Variants in HIP1 observed in about 807,000 individuals in gnomAD.
HIP1 encodes the protein huntingtin interacting protein 1.
In HIP1, 65 loss-of-function variants were observed where a neutral mutation model predicts 147.6. The ratio of observed to expected loss-of-function variants is 0.44; its 90% CI spans 0.36 to 0.54. The LOEUF is 0.54. Ranked by LOEUF, HIP1 falls within the 20% of genes least tolerant of loss-of-function variation. The pLI, the probability that HIP1 is intolerant of heterozygous loss-of-function variation, is 0.00. For missense variants in HIP1, 1,061 were observed against 1,299.6 expected, an observed-to-expected ratio of 0.82 and a Z score of 2.82; for synonymous variants, 479 against 504.0, an observed-to-expected ratio of 0.95 and a Z score of 0.67.
intron 1 of HIP1, among the ~76,000 whole-genome samples, chr7:75,642,712 C>T (rs1342228772): frequency 1.3e-5 from 2 of 152,208 alleles, no homozygotes; most frequent in African/African-American, 4.8e-5. Context: ...TTAGAAGTGT[C>T]TTTCTCATCC....
chr7:75,652,075 G>T (rs1799012165), intron 1 of HIP1, among the ~76,000 whole-genome samples: 1 of 150,980 alleles, frequency 6.6e-6, no homozygotes, highest in African/African-American at 2.4e-5. Context: ...TAGCAATTTG[G>T]GAGGCCAAGG....
intron 4 of HIP1, 41 bp from the exon 5 acceptor site, chr7:75,586,874 C>T: frequency 8.2e-7 from 1 of 1,225,270 alleles, no homozygotes; most frequent in Non-Finnish European, 1.2e-6. Flanking sequence ...ACAACAAGAA[C>T]ATAACAGTCA....
At chr7:75,643,762 G>T (rs756640869) in intron 1 of HIP1, among the ~76,000 whole-genome samples, 4 of 152,212 alleles carry the variant, frequency 2.6e-5, no homozygotes, top group Non-Finnish European at 5.9e-5. Context: ...AACTTTGGGA[G>T]GCCCAGGTGG....
At chr7:75,619,297 C>T (rs1441624777) in intron 1 of HIP1, among the ~76,000 whole-genome samples, 2 of 151,904 alleles carry the variant, frequency 1.3e-5, no homozygotes, top group African/African-American at 2.4e-5. Context: ...CCCAGGTGGG[C>T]GGATCACTTG....
intron 1 of HIP1, among the ~76,000 whole-genome samples, chr7:75,691,892 G>A (rs1430737552): frequency 6.6e-6 from 1 of 152,178 alleles, no homozygotes; most frequent in Non-Finnish European, 1.5e-5. Context: ...CAGAGGAATA[G>A]GGAGTGACTG....
rs962133459 is a variant in HIP1, at chr7:75,537,106, G to A, written c.*1066C>T. The A allele has an allele frequency of 4.3e-6, 1 of 232,520 alleles. No homozygotes were observed. Among genetic ancestry groups the A allele is most frequent in the Non-Finnish European group, 8.5e-6 (1 of 117,628 alleles). The allele number at this position is 232,520 out of a possible 1,614,324, so 14.4% of individuals were successfully genotyped here. On this transcript the variant is annotated 3_prime_UTR_variant, in exon 31 of 31. Coordinates refer to ENST00000336926, the MANE Select transcript of HIP1 (RefSeq NM_005338.7). ...GGCCCGCTTGACAGAGACCATTCAC[G>A]GACAGTTCATTCCGGCAGGGAAGTA...
intron 1 of HIP1, among the ~76,000 whole-genome samples, chr7:75,691,348 G>A (rs572403532): frequency 1.3e-5 from 2 of 152,050 alleles, no homozygotes; most frequent in South Asian, 2.1e-4. Context: ...AAAATTAGCC[G>A]GGCATGGTGG....
At chr7:75,592,704 G>A (rs587630426) in intron 2 of HIP1, among the ~76,000 whole-genome samples, 190 bp from the exon 3 acceptor site, 6 of 152,292 alleles carry the variant, frequency 3.9e-5, no homozygotes, top group South Asian at 2.1e-4. Flanking sequence ...AGTGCAAGTC[G>A]TGGTTGGCAG....
chr7:75,584,573 C>G (rs587712025), intron 5 of HIP1, among the ~76,000 whole-genome samples: 35 of 152,210 alleles, frequency 2.3e-4, no homozygotes, highest in African/African-American at 7.0e-4. Flanking sequence ...CCCACGTGAC[C>G]ATTCCCTTCT....
At chr7:75,663,975 C>CACATATGTGCATACATGTATGCAT (rs1563278070) in intron 1 of HIP1, among the ~76,000 whole-genome samples, 11 of 14,772 alleles carry the variant, frequency 7.4e-4, no homozygotes, top group Non-Finnish European at 1.0e-3. Context: ...TATATATACA[C>CACATATGTGCATACATGTATGCAT]ATATATGTGT....
At chr7:75,669,158 G>A (rs956023727) in intron 1 of HIP1, among the ~76,000 whole-genome samples, 1 of 152,090 alleles carries the variant, frequency 6.6e-6, no homozygotes, top group African/African-American at 2.4e-5. Flanking sequence ...GAGGTCAGGA[G>A]ATCGAGACCA....
In HIP1 at chr7:75,556,798, A is replaced by C. The variant is rs782689042; in HGVS notation, c.1595T>G (p.Leu532Arg). The change falls in exon 17 of 31, where the codon CTG becomes CGG. Residue 532 changes from leucine (L) to arginine (R), a missense_variant. Physicochemically the swap from Leu to Arg is moderately radical, Grantham distance 102 (BLOSUM62 -2). Transcript: ENST00000336926. ...CTGCTTCAAGCTCTCTAGAACTTCC[A>C]GCTGTTCTTGAGTCTGAAAGAGAAG... ...DQGQRKTQEQ[L>R]EVLESLKQEL... 6.2e-7 allele frequency: 1 copy of C among 1,608,608 alleles called. No individual in the cohort carries two copies. Among genetic ancestry groups the C allele is most frequent in the East Asian group, 2.2e-5 (1 of 44,802 alleles).
At chr7:75,698,558 CTG>C (rs1554518952) in intron 1 of HIP1, among the ~76,000 whole-genome samples, 1 of 152,134 alleles carries the variant, frequency 6.6e-6, no homozygotes, top group Admixed American at 6.6e-5. Context: ...TGGCTTGTGA[CTG>C]TAATCCCAGC....
intron 20 of HIP1, 99 bp from the exon 21 acceptor site, chr7:75,554,319 T>C (rs1794909135): frequency 7.8e-7 from 1 of 1,281,236 alleles, no homozygotes. Context: ...GCCTTTCTTG[T>C]ATGAGTTGCC....
intron 1 of HIP1, among the ~76,000 whole-genome samples, chr7:75,684,883 A>G (rs1258676274): frequency 2.0e-5 from 3 of 152,130 alleles, no homozygotes; most frequent in African/African-American, 7.2e-5. Context: ...CAAGGTCAGG[A>G]GATCGAGACC....
intron 1 of HIP1, among the ~76,000 whole-genome samples, chr7:75,732,938 C>A (rs1554523220): frequency 6.6e-6 from 1 of 152,166 alleles, no homozygotes; most frequent in Non-Finnish European, 1.5e-5. Context: ...CCCGCAGTGG[C>A]CAGTCTGCCT....
chr7:75,660,723 C>T (rs1554513476), intron 1 of HIP1, among the ~76,000 whole-genome samples: 1 of 152,114 alleles, frequency 6.6e-6, no homozygotes, highest in Non-Finnish European at 1.5e-5. Flanking sequence ...CCTTCCAGCT[C>T]TTTCCATCGT....
chr7:75,682,845 G>A (rs1554517105), intron 1 of HIP1, among the ~76,000 whole-genome samples: 2 of 152,178 alleles, frequency 1.3e-5, no homozygotes, highest in African/African-American at 4.8e-5. Flanking sequence ...TTGCTGCGCT[G>A]GAGGGACTGT....
chr7:75,584,195 C>A lies in HIP1; in HGVS notation c.466-2044G>T, dbSNP rs782285045. Among the ~76,000 whole-genome samples the A allele has an allele frequency of 2.0e-5, 3 of 151,686 alleles. 1 individual carries two copies. Among genetic ancestry groups the A allele is most frequent in the African/African-American group, 7.3e-5 (3 of 41,348 alleles). ...CCCAGGCTGGTCTTGAACTCCTGAC[C>A]TCAGGTGATCCACCCGCCTCGGCCT... On this transcript the variant is annotated intron_variant, in intron 5 of 30. Coordinates refer to ENST00000336926, the MANE Select transcript of HIP1 (RefSeq NM_005338.7).
Sources: gnomAD v4.1 joint callset for allele counts (sites outside exome capture counted in the v4.1 genomes callset) on GRCh38, gnomAD v4.1.1 for gene constraint, MANE v1.5 for transcripts, NCBI Gene and HGNC (gene_info 2026-07-23, HGNC 2026-07-21) for gene names.